The following NOTCH3 variants were observed in gnomAD, a reference collection of about 807,000 sequenced individuals.
NOTCH3 encodes the protein neurogenic locus notch homolog protein 3.
Under a neutral mutation model 213.3 loss-of-function variants are expected in NOTCH3, and 86 were observed. The observed-to-expected ratio is 0.40, with a 90% CI of 0.34 to 0.48. The LOEUF is 0.48. NOTCH3 is among the 20% of genes least tolerant of loss of function. NOTCH3 has a pLI of 0.57. For synonymous variants in NOTCH3, 1,354 were observed against 1,355.9 expected (o/e 1.00, Z 0.03); for missense variants, 2,783 against 3,272.6 (o/e 0.85, Z 3.65).
intron 6 of NOTCH3, 110 bp downstream of exon 6, chr19:15,191,314 T>A: frequency 1.0e-6 from 1 of 1,002,438 alleles, no homozygotes. Context: ...ATTACAGGCA[T>A]GAGCCACTGT....
intron 2 of NOTCH3, among the ~76,000 whole-genome samples, chr19:15,194,458 G>A (rs577289257): frequency 6.6e-6 from 1 of 152,274 alleles, no homozygotes; most frequent in Admixed American, 6.5e-5. Context: ...AACTTCAAGA[G>A]AATAAATTAC....
intron 20 of NOTCH3, chr19:15,179,778 G>C: frequency 1.7e-6 from 1 of 587,842 alleles, no homozygotes; most frequent in Non-Finnish European, 3.0e-6. Flanking sequence ...GCTATAATGA[G>C]AGGCTGAAGC....
At chr19:15,178,156 G>C in intron 23 of NOTCH3, 66 bp from the exon 24 acceptor site, 1 of 991,898 alleles carries the variant, frequency 1.0e-6, no homozygotes, top group Non-Finnish European at 1.5e-6. Flanking sequence ...AGGAGGAGAA[G>C]AAATGGAGGA....
rs2145418385 is a variant in NOTCH3, at chr19:15,179,238, G to A, written c.3505C>T (p.Pro1169Ser). ...INEDDCGPGP[P>S]LDSGPRCLHN... is the part of the protein sequence containing the mutation. ...AGGCACCGGGGCCCTGAGTCCAGCG[G>A]TGGGCCTGGGCCGCAGTCATCCTCA... Residue 1169 changes from proline to serine, a missense_variant, in exon 22 of 33, where the codon CCG (proline) becomes TCG (serine). Physicochemically the swap from Pro to Ser is moderately conservative, Grantham distance 74. Transcript: ENST00000263388. 6.2e-7 allele frequency: 1 copy of A among 1,613,974 alleles called. No homozygotes were observed. The highest frequency in any genetic ancestry group is 8.5e-7 in the Non-Finnish European group (1 of 1,180,018).
At chr19:15,188,517 C>G (rs2145435294) in intron 8 of NOTCH3, among the ~76,000 whole-genome samples, 169 bp from the exon 9 acceptor site, 1 of 152,264 alleles carries the variant, frequency 6.6e-6, no homozygotes, top group African/African-American at 2.4e-5. Context: ...TGGACTGTCA[C>G]CCAGCCGTGG....
In NOTCH3 at chr19:15,165,793, G is replaced by A. The variant is rs1214905880; in HGVS notation, c.5661C>T (p.Val1887=). 1.2e-6 allele frequency: 2 copies of A among 1,612,294 alleles called. No individual in the cohort carries two copies. Among genetic ancestry groups the A allele is most frequent in the Non-Finnish European group, 1.7e-6 (2 of 1,180,020 alleles). Residue 1887 remains valine (V), a synonymous_variant, in exon 30 of 33, where the codon GTC becomes GTT. Coordinates refer to ENST00000263388, the MANE Select transcript of NOTCH3 (RefSeq NM_000435.3). This position sits in a 1 kb window ranked among gnomAD's most constrained non-coding sequence, Gnocchi z 4.7. The part of the protein sequence containing the change: ...HTAVTADAQG[V]FQILIRNRST... ...AAGTGTGTGCCTATCTCACCTGGAAGACACCCTGGGCATCGGCTGTGACAG... is the reference window on the plus strand; with the variant it reads ...AAGTGTGTGCCTATCTCACCTGGAAAACACCCTGGGCATCGGCTGTGACAG...
chr19:15,161,187 A>C lies in NOTCH3; in HGVS notation c.6441T>G (p.Gly2147=). 6.5e-7 allele frequency: 1 copy of C among 1,539,754 alleles called. No individual in the cohort carries two copies. Among genetic ancestry groups the C allele is most frequent in the Non-Finnish European group, 8.7e-7 (1 of 1,148,850 alleles). Reference sequence around the variant, plus strand: ...ATCCTCCAGGGGGCTGGCGCCCTAGACCCGCCCGGCCTGGGCCACCAAGCT... The same window carrying C: ...ATCCTCCAGGGGGCTGGCGCCCTAGCCCCGCCCGGCCTGGGCCACCAAGCT... ...LAQLGGPGRA[G]LGRQPPGGCV... Residue 2147 remains glycine (G), a synonymous_variant, in exon 33 of 33, where the codon GGT becomes GGG. Coordinates refer to ENST00000263388, the MANE Select transcript of NOTCH3 (RefSeq NM_000435.3).
intron 21 of NOTCH3, 24 bp from the exon 22 acceptor site, chr19:15,179,306 T>C (rs2145418636): frequency 1.2e-6 from 2 of 1,610,986 alleles, no homozygotes; most frequent in Non-Finnish European, 1.7e-6. Context: ...CGAGGGGTGG[T>C]CAAGAGGGAA....
chr19:15,188,003 G>A lies in NOTCH3; in HGVS notation c.1493-9C>T, dbSNP rs1369235189. 2 of 1,548,586 alleles carry A rather than the reference G, an allele frequency of 1.3e-6. No homozygotes were observed. Among genetic ancestry groups the A allele is most frequent in the African/African-American group, 1.4e-5 (1 of 73,028 alleles). On this transcript the variant is annotated splice_polypyrimidine_tract_variant and intron_variant, in intron 9 of 32. Transcript: ENST00000263388. ...CGTGGAGCCGCTGAAGCCTGGGGTG[G>A]GGAGTGGGATGAGCAGAGGCCCAGA...
chr19:15,180,711 A>G lies in NOTCH3; in HGVS notation c.3112T>C (p.Leu1038=). The G allele has an allele frequency of 6.4e-7, 1 of 1,564,382 alleles. No individual in the cohort carries two copies. The highest frequency in any genetic ancestry group is 8.7e-7 in the Non-Finnish European group (1 of 1,155,318). The change falls in exon 19 of 33, where the codon TTG becomes CTG. Residue 1038 remains leucine, a synonymous_variant. Transcript: ENST00000263388. ...TGGGCTGCGGCCTCCCTGCAGGGCA[A>G]GCTTCGGATGTCACAGAGGCGTCCG... The part of the protein sequence containing the change: ...WSGRLCDIRS[L]PCREAAAQIG...
intron 24 of NOTCH3, among the ~76,000 whole-genome samples, chr19:15,174,882 T>C (rs2046774925): frequency 6.6e-6 from 1 of 152,066 alleles, no homozygotes; most frequent in African/African-American, 2.4e-5. Flanking sequence ...CCCTTGATAA[T>C]ATTTTTTTAA....
At chr19:15,168,171 C>G (rs1244021706) in intron 28 of NOTCH3, among the ~76,000 whole-genome samples, 1 of 152,166 alleles carries the variant, frequency 6.6e-6, no homozygotes, top group Admixed American at 6.5e-5. Flanking sequence ...GGGCAAATCA[C>G]TTTGAAGCTC....
At chr19:15,168,513 G>T (rs925520542) in intron 28 of NOTCH3, among the ~76,000 whole-genome samples, 1 of 152,128 alleles carries the variant, frequency 6.6e-6, no homozygotes, top group South Asian at 2.1e-4. Flanking sequence ...AGCAGGATCT[G>T]TATGGACTCA....
In NOTCH3 at chr19:15,180,398, C is replaced by T. The variant is rs1462752619; in HGVS notation, c.3143-142G>A. On this transcript the variant is annotated intron_variant, in intron 19 of 32. Transcript: ENST00000263388. ...CTCCATCAGGTTGTCACACATCCCC[C>T]CAGCAGGCAAGGTCTCATCACTGAC... is the stretch of plus-strand genomic sequence containing the variant. 3.0e-6 allele frequency: 3 copies of T among 989,134 alleles called. No homozygotes were observed. The East Asian group carries it at 7.8e-5, about 26-fold the overall frequency. 61.3% of individuals were successfully genotyped at this position (989,134 alleles called of 1,614,324 possible).
At chr19:15,182,247 T>C (rs985558798) in intron 16 of NOTCH3, among the ~76,000 whole-genome samples, 1 of 151,934 alleles carries the variant, frequency 6.6e-6, no homozygotes, top group Non-Finnish European at 1.5e-5. Flanking sequence ...TGGCACACAC[T>C]TGTAATCCCA....
In NOTCH3 at chr19:15,162,510, C is replaced by G. The variant is rs767774515; in HGVS notation, c.5868G>C (p.Leu1956Phe). The stretch of plus-strand genomic sequence containing the variant: ...TATTGGCTCCATTTTTGAGCAGGGC[C>G]AAAGTGGCTTCCACGTTGTTCACAG... ...AAAVNNVEAT[L>F]ALLKNGANKD... The change falls in exon 32 of 33, where the codon TTG becomes TTC. Residue 1956 changes from leucine to phenylalanine, a missense_variant. Leu to Phe is a conservative substitution (Grantham distance 22). Transcript: ENST00000263388. The G allele has an allele frequency of 9.3e-6, 15 of 1,613,956 alleles. No homozygotes were observed. The South Asian group carries it at 9.9e-5, about 11-fold the overall frequency.
chr19:15,159,778 G>C lies in NOTCH3; in HGVS notation c.*884C>G. 8.6e-6 allele frequency: 2 copies of C among 233,458 alleles called. No homozygotes were observed. Among genetic ancestry groups the C allele is most frequent in the Non-Finnish European group, 1.7e-5 (2 of 117,998 alleles). The allele number at this position is 233,458 out of a possible 1,614,324, so 14.5% of individuals were successfully genotyped here. A position where few individuals can be genotyped will look rare whatever the true frequency, so the allele number is the denominator to read the frequency against. ...AATACCTCTATTCTGCCATGAGGCT[G>C]GGCCAGAGGATTACCAGGAAGAGAA... On this transcript the variant is annotated 3_prime_UTR_variant, in exon 33 of 33. Coordinates refer to ENST00000263388, the MANE Select transcript of NOTCH3 (RefSeq NM_000435.3).
Position 15,170,297 on chromosome 19 carries a change from G to A in NOTCH3, c.5114+34C>T, listed in dbSNP as rs200572331. 1.9e-5 allele frequency: 30 copies of A among 1,591,322 alleles called. No individual in the cohort carries two copies. The East Asian group carries it at 6.0e-4, about 32-fold the overall frequency. ...GGGGTCCAGGGTTCACAAGGTCCCC[G>A]TAGTCAGGGACAGGGAGCGAGCAGG... On this transcript the variant is annotated intron_variant, in intron 27 of 32. Transcript: ENST00000263388.
At chr19:15,176,386 C>T (rs1255916501) in intron 24 of NOTCH3, among the ~76,000 whole-genome samples, 1 of 151,998 alleles carries the variant, frequency 6.6e-6, no homozygotes, top group Non-Finnish European at 1.5e-5. Flanking sequence ...CAAGCTCAAA[C>T]TCCTGACCTC....
Sources: gnomAD v4.1 joint callset for allele counts (sites outside exome capture counted in the v4.1 genomes callset) on GRCh38, gnomAD v4.1.1 for gene constraint, Gnocchi (gnomAD v3.1) non-coding constraint, MANE v1.5 for transcripts, NCBI Gene and HGNC (gene_info 2026-07-23, HGNC 2026-07-21) for gene names.